Variants in EML5 observed in about 807,000 individuals in gnomAD.
The protein encoded by EML5 is EMAP like 5, also known as echinoderm microtubule-associated protein-like 5.
Under a neutral mutation model 250.0 loss-of-function variants are expected in EML5, and 120 were observed. The ratio of observed to expected loss-of-function variants is 0.48; its 90% CI spans 0.41 to 0.56. The LOEUF (loss-of-function observed/expected upper bound fraction) is 0.56, where lower values mean the gene tolerates loss of function less well. Ranked by LOEUF, EML5 falls within the 20% of genes least tolerant of loss-of-function variation. EML5 has a pLI of 0.00. For missense variants in EML5, 2,006 were observed against 2,437.6 expected, an observed-to-expected ratio of 0.82 and a Z score of 3.73; for synonymous variants, 771 against 806.5, an observed-to-expected ratio of 0.96 and a Z score of 0.75.
intron 8 of EML5, among the ~76,000 whole-genome samples, chr14:88,718,337 ATC>A (rs2093535737): frequency 6.6e-6 from 1 of 152,216 alleles, no homozygotes. Context: ...GAATGAGACT[ATC>A]TAGGGAGAAA....
At chr14:88,748,830 T>C (rs531018951) in intron 2 of EML5, among the ~76,000 whole-genome samples, 59 of 151,720 alleles carry the variant, frequency 3.9e-4, no homozygotes, top group African/African-American at 1.4e-3. Context: ...CAGACAATGA[T>C]GAAAAGATAA....
chr14:88,771,277 C>A (rs1195534127), intron 1 of EML5, among the ~76,000 whole-genome samples: 1 of 152,176 alleles, frequency 6.6e-6, no homozygotes, highest in Admixed American at 6.5e-5. Context: ...ATAAGCCTGT[C>A]TTGTACTTAA....
At chr14:88,742,181 A>G (rs1003234352) in intron 4 of EML5, among the ~76,000 whole-genome samples, 3 of 152,164 alleles carry the variant, frequency 2.0e-5, no homozygotes, top group African/African-American at 7.2e-5. Context: ...GATGCTCAGC[A>G]AGGGTTAAGA....
intron 8 of EML5, among the ~76,000 whole-genome samples, chr14:88,722,291 T>C (rs556654851): frequency 6.6e-6 from 1 of 152,230 alleles, no homozygotes; most frequent in South Asian, 2.1e-4. Flanking sequence ...TATAAATCAT[T>C]CTATTACAAA....
At position 88,792,261 on chromosome 14, in the gene EML5, G is replaced by C. The variant is rs769069286; in HGVS notation, c.197+46C>G. 12 of 1,530,056 alleles carry C rather than the reference G, an allele frequency of 7.8e-6. No homozygotes were observed. Among genetic ancestry groups the C allele is most frequent in the Middle Eastern group, 2.3e-4 (1 of 4,318 alleles). 94.8% of individuals were successfully genotyped at this position (1,530,056 alleles called of 1,614,324 possible). ...AGAGGAACCCGCGGGTGCAAACTCC[G>C]GGAGCGGCTTGCAGGGTGACGGCGG... On this transcript the variant is annotated intron_variant, in intron 1 of 43. Transcript: ENST00000554922. This position sits in a 1 kb window ranked among gnomAD's most constrained non-coding sequence, Gnocchi z 6.9.
At chr14:88,790,160 G>C (rs1219396253) in intron 1 of EML5, among the ~76,000 whole-genome samples, 1 of 152,084 alleles carries the variant, frequency 6.6e-6, no homozygotes, top group African/African-American at 2.4e-5. Context: ...AAAATGTCCA[G>C]AGCCCTTTCA....
At position 88,736,432 on chromosome 14, in the gene EML5, T is replaced by G; in HGVS notation, c.981A>C (p.Glu327Asp). Residue 327 changes from glutamate to aspartate, a missense_variant, in exon 7 of 44, where the codon GAA becomes GAC. By Grantham distance (45) the Glu-to-Asp change is conservative (BLOSUM62 2). Coordinates refer to ENST00000554922, the MANE Select transcript of EML5 (RefSeq NM_183387.3). The part of the protein sequence containing the change: ...FLIMQGHCEG[E>D]LWALAVHPTK... ...TAGGATGGACAGCAAGTGCCCAAAG[T>G]TCACCTTCACAATGCCCTTGCATAA... The G allele has an allele frequency of 1.2e-6, 2 of 1,614,024 alleles. No homozygotes were observed. Among genetic ancestry groups the G allele is most frequent in the South Asian group, 2.2e-5 (2 of 91,086 alleles).
intron 20 of EML5, among the ~76,000 whole-genome samples, chr14:88,684,808 A>T (rs992258038): frequency 6.6e-6 from 1 of 152,056 alleles, no homozygotes; most frequent in Admixed American, 6.6e-5. Context: ...ACATTAACAG[A>T]AAAAAACAAA....
intron 21 of EML5, among the ~76,000 whole-genome samples, chr14:88,672,531 A>G (rs2092490330): frequency 6.6e-6 from 1 of 152,184 alleles, no homozygotes; most frequent in Non-Finnish European, 1.5e-5. Context: ...AGCAGAAGAC[A>G]AGAAATAACC....
At chr14:88,712,017 C>T (rs1273044700) in intron 10 of EML5, among the ~76,000 whole-genome samples, 4 of 151,054 alleles carry the variant, frequency 2.6e-5, no homozygotes, top group Non-Finnish European at 1.5e-5. Context: ...AAAAGAAAAA[C>T]GTTTCTTTGA....
intron 7 of EML5, among the ~76,000 whole-genome samples, chr14:88,727,933 ATT>A (rs2093692469): frequency 6.6e-6 from 1 of 152,242 alleles, no homozygotes; most frequent in Non-Finnish European, 1.5e-5. Context: ...AAAATTAAGA[ATT>A]ATACTTCCAT....
chr14:88,725,490 T>C (rs1442904653), intron 8 of EML5, among the ~76,000 whole-genome samples: 1 of 152,098 alleles, frequency 6.6e-6, no homozygotes, highest in Non-Finnish European at 1.5e-5. Flanking sequence ...TCTGAACATA[T>C]ACTGTATGGC....
chr14:88,785,122 G>A (rs1455547611), intron 1 of EML5, among the ~76,000 whole-genome samples: 1 of 152,080 alleles, frequency 6.6e-6, no homozygotes, highest in Non-Finnish European at 1.5e-5. Flanking sequence ...CTTATTTGTG[G>A]GATCTAAAAA....
Position 88,658,278 on chromosome 14 carries a change from A to G in EML5, c.3786T>C (p.Ser1262=), listed in dbSNP as rs563869530. The part of the protein sequence containing the change: ...MLVTLGGTDM[S]LMVWTNEMEG... ...CCATCTCATTTGTCCACACCATTAA[A>G]GACATATCTGTACCGCCTAGGGTAA... Residue 1262 remains serine, a synonymous_variant, in exon 26 of 44, where the codon TCT becomes TCC. Coordinates refer to ENST00000554922, the MANE Select transcript of EML5 (RefSeq NM_183387.3). 6.2e-7 allele frequency: 1 copy of G among 1,613,880 alleles called. No individual in the cohort carries two copies. The highest frequency in any genetic ancestry group is 1.1e-5 in the South Asian group (1 of 91,080).
intron 1 of EML5, among the ~76,000 whole-genome samples, chr14:88,761,353 C>T (rs959472154): frequency 5.3e-5 from 8 of 152,214 alleles, no homozygotes; most frequent in African/African-American, 1.9e-4. Context: ...CCTCCCCTTG[C>T]ACCCCAGCCC....
chr14:88,683,327 A>G (rs1452332870), intron 20 of EML5, among the ~76,000 whole-genome samples: 8 of 152,182 alleles, frequency 5.3e-5, no homozygotes, highest in Non-Finnish European at 1.0e-4. Flanking sequence ...GTATCCCTTT[A>G]AAGGAGCCTG....
chr14:88,671,059 C>CCCCA (rs954305533), intron 21 of EML5, among the ~76,000 whole-genome samples: 1 of 152,082 alleles, frequency 6.6e-6, no homozygotes, highest in Non-Finnish European at 1.5e-5. Flanking sequence ...ATCCAGAGAA[C>CCCCA]CCCAGTAAGA....
chr14:88,749,692 T>C (rs1409770259), intron 2 of EML5, among the ~76,000 whole-genome samples: 2 of 152,108 alleles, frequency 1.3e-5, no homozygotes, highest in Non-Finnish European at 2.9e-5. Context: ...ACATGAAATA[T>C]CATGAAGATC....
Position 88,648,770 on chromosome 14 carries a change from T to A in EML5, c.4019+1142A>T, listed in dbSNP as rs143987956. On this transcript the variant is annotated intron_variant, in intron 28 of 43. Coordinates refer to ENST00000554922, the MANE Select transcript of EML5 (RefSeq NM_183387.3). ...TTAAAATGTAGAGATCAGTACTGAG[T>A]AAGCTATTCTAGATGTGAGGCTAGA... 2.4e-3 allele frequency among the ~76,000 whole-genome samples: 360 copies of A among 152,246 alleles called. 5 individuals carry two copies. Among genetic ancestry groups the A allele is most frequent in the Middle Eastern group, 0.017 (5 of 294 alleles).
Sources: gnomAD v4.1 joint callset for allele counts (sites outside exome capture counted in the v4.1 genomes callset) on GRCh38, gnomAD v4.1.1 for gene constraint, Gnocchi (gnomAD v3.1) non-coding constraint, MANE v1.5 for transcripts, NCBI Gene and HGNC (gene_info 2026-07-23, HGNC 2026-07-21) for gene names.